Variants in EDIL3 observed in about 807,000 individuals in gnomAD.
EDIL3 encodes EGF like and discoidin domains 3.
A neutral mutation model predicts 67.4 loss-of-function variants in EDIL3; 37 were observed. The ratio of observed to expected loss-of-function variants is 0.55; its 90% CI spans 0.42 to 0.72. EDIL3 has a LOEUF of 0.72. Ranked by LOEUF, EDIL3 falls within the 30% of genes least tolerant of loss-of-function variation. The pLI is 0.00. For missense variants in EDIL3, 527 were observed against 586.3 expected (o/e 0.90, Z 1.04); for synonymous variants, 195 against 196.3 (o/e 0.99, Z 0.05).
chr5:84,162,156 A>C (rs1395831086), intron 4 of EDIL3, among the ~76,000 whole-genome samples: 14 of 152,102 alleles, frequency 9.2e-5, no homozygotes, highest in Admixed American at 7.9e-4. Flanking sequence ...GCTGGGTACC[A>C]TTTGGGCAGA....
At chr5:84,158,835 G>A (rs1207478848) in intron 4 of EDIL3, among the ~76,000 whole-genome samples, 1 of 151,954 alleles carries the variant, frequency 6.6e-6, no homozygotes, top group Non-Finnish European at 1.5e-5. Context: ...AAAACCTGAG[G>A]TTAAGAAATT....
chr5:84,168,585 T>A (rs1379940829), intron 4 of EDIL3, among the ~76,000 whole-genome samples: 1 of 152,228 alleles, frequency 6.6e-6, no homozygotes, highest in East Asian at 1.9e-4. Flanking sequence ...ACATCTATAG[T>A]AAAAAGTGAG....
chr5:84,360,895 CA>C (rs548448812), intron 1 of EDIL3, among the ~76,000 whole-genome samples: 2 of 151,928 alleles, frequency 1.3e-5, no homozygotes, highest in African/African-American at 4.8e-5. Context: ...ACAAAATAAC[CA>C]AAAAATGTTT....
chr5:84,120,796 G>T (rs373603008), intron 5 of EDIL3, among the ~76,000 whole-genome samples: 1 of 151,868 alleles, frequency 6.6e-6, no homozygotes, highest in Non-Finnish European at 1.5e-5. Flanking sequence ...GAAGACATGG[G>T]CTGAGTATGA....
At chr5:84,034,198 G>A (rs1745976625) in intron 9 of EDIL3, among the ~76,000 whole-genome samples, 1 of 152,120 alleles carries the variant, frequency 6.6e-6, no homozygotes, top group African/African-American at 2.4e-5. Context: ...CACATTGCAG[G>A]TGCATAATTA....
intron 1 of EDIL3, among the ~76,000 whole-genome samples, chr5:84,312,491 C>A (rs564883035): frequency 6.9e-6 from 1 of 144,528 alleles, no homozygotes; most frequent in South Asian, 2.2e-4. Context: ...CCGGACAGGG[C>A]GGCTGGCCGG....
chr5:84,285,593 T>C (rs959044516), intron 1 of EDIL3, among the ~76,000 whole-genome samples: 1 of 152,262 alleles, frequency 6.6e-6, no homozygotes, highest in East Asian at 1.9e-4. Context: ...TTGTTCATAC[T>C]TAAGTGAGAC....
intron 6 of EDIL3, among the ~76,000 whole-genome samples, chr5:84,079,147 T>C (rs1428786256): frequency 6.6e-6 from 1 of 152,124 alleles, no homozygotes. Context: ...GGGTGTCACA[T>C]CAGAGAGGGC....
chr5:84,101,872 G>GA, intron 6 of EDIL3, among the ~76,000 whole-genome samples: 1 of 152,004 alleles, frequency 6.6e-6, no homozygotes, highest in African/African-American at 2.4e-5. Flanking sequence ...AACAAAAACA[G>GA]AAAACTTCAG....
At chr5:84,383,478 A>AT (rs1044395135) in intron 1 of EDIL3, among the ~76,000 whole-genome samples, 1 of 151,882 alleles carries the variant, frequency 6.6e-6, no homozygotes, top group African/African-American at 2.4e-5. Context: ...TTTGATTTTT[A>AT]TTTTTCTGTT....
At chr5:84,131,301 G>A (rs1747962804) in intron 5 of EDIL3, among the ~76,000 whole-genome samples, 1 of 152,078 alleles carries the variant, frequency 6.6e-6, no homozygotes, top group African/African-American at 2.4e-5. Flanking sequence ...AGGCTCAGAA[G>A]GGGCAATGTA....
intron 6 of EDIL3, among the ~76,000 whole-genome samples, chr5:84,102,640 A>G (rs1747388695): frequency 6.6e-6 from 1 of 151,916 alleles, no homozygotes. Context: ...AAAAAACGAA[A>G]AAACCCTCCT....
chr5:84,222,326 A>G (rs76005455), intron 3 of EDIL3, among the ~76,000 whole-genome samples: 2,749 of 151,976 alleles, frequency 0.018, 79 homozygotes, highest in African/African-American at 0.062. Flanking sequence ...GTATATGAAA[A>G]TAGTATTTTT....
chr5:84,208,846 A>G (rs1443588590), intron 3 of EDIL3, among the ~76,000 whole-genome samples: 1 of 151,592 alleles, frequency 6.6e-6, no homozygotes, highest in African/African-American at 2.4e-5. Flanking sequence ...AACTAGAAAT[A>G]CCATTTGACC....
At chr5:84,371,230 G>A (rs1167144901) in intron 1 of EDIL3, among the ~76,000 whole-genome samples, 3 of 149,980 alleles carry the variant, frequency 2.0e-5, no homozygotes, top group Non-Finnish European at 3.0e-5. Context: ...ACCAGAGAGA[G>A]ATTCTCCCAG....
intron 6 of EDIL3, among the ~76,000 whole-genome samples, chr5:84,087,121 C>G (rs1206902210): frequency 3.3e-5 from 5 of 152,160 alleles, no homozygotes; most frequent in African/African-American, 1.2e-4. Context: ...AATATGAAAA[C>G]AGATGGAAAG....
At chr5:84,092,137 A>C (rs1747179069) in intron 6 of EDIL3, among the ~76,000 whole-genome samples, 1 of 152,136 alleles carries the variant, frequency 6.6e-6, no homozygotes, top group African/African-American at 2.4e-5. Flanking sequence ...AACCAGAGTG[A>C]ATTTGCCATG....
chr5:83,982,528 G>T, intron 9 of EDIL3, among the ~76,000 whole-genome samples: 1 of 151,858 alleles, frequency 6.6e-6, no homozygotes, highest in East Asian at 1.9e-4. Flanking sequence ...CTTTTTCTGA[G>T]ATTTCTAACT....
At chr5:84,379,680 A>G (rs571988712) in intron 1 of EDIL3, among the ~76,000 whole-genome samples, 2 of 152,236 alleles carry the variant, frequency 1.3e-5, no homozygotes, top group South Asian at 4.1e-4. Context: ...CCTCTAAAGT[A>G]ATAGTTCAAC....
Sources: allele counts gnomAD v4.1 joint callset (sites outside exome capture counted in the v4.1 genomes callset), GRCh38; gene constraint gnomAD v4.1.1; transcripts MANE v1.5; gene names NCBI Gene and HGNC (gene_info 2026-07-23, HGNC 2026-07-21).